The following OPHN1 variants were observed in gnomAD, a reference collection of about 807,000 sequenced individuals.
OPHN1 encodes oligophrenin-1.
OPHN1 carries 11 observed loss-of-function variants against 60.7 expected under a neutral mutation model. That is an observed-to-expected ratio of 0.18 (90% CI 0.11 to 0.30). OPHN1 has a LOEUF of 0.30. OPHN1 is among the 10% of genes least tolerant of loss of function. The pLI, the probability that OPHN1 is intolerant of heterozygous loss-of-function variation, is 1.00. For missense variants in OPHN1, 449 were observed against 611.0 expected (o/e 0.73, Z 2.80); for synonymous variants, 226 against 222.6 (o/e 1.02, Z -0.14).
chrX:68,074,146 G>A (rs2076945275), intron 19 of OPHN1, among the ~76,000 whole-genome samples: 1 of 111,615 alleles, frequency 9.0e-6, no homozygotes, highest in Non-Finnish European at 1.9e-5. Flanking sequence ...TAGCCAGTGA[G>A]ACTAACAAAA....
intron 2 of OPHN1, among the ~76,000 whole-genome samples, chrX:68,313,341 A>G (rs916368199): frequency 6.5e-5 from 7 of 107,208 alleles, no homozygotes; most frequent in Admixed American, 2.0e-4. Context: ...AAGAAAGGAA[A>G]TCAGCATACC....
At chrX:68,359,770 G>A (rs1401755059) in intron 2 of OPHN1, among the ~76,000 whole-genome samples, 1 of 106,995 alleles carries the variant, frequency 9.3e-6, no homozygotes, top group Non-Finnish European at 1.9e-5. Flanking sequence ...GCAGGAGAAT[G>A]GCGTGAACCC....
intron 10 of OPHN1, among the ~76,000 whole-genome samples, chrX:68,205,652 A>G (rs765143729): frequency 2.5e-4 from 28 of 111,129 alleles, no homozygotes; most frequent in African/African-American, 9.2e-4. Context: ...CTAATTCAAC[A>G]TGAGCAAGCC....
intron 6 of OPHN1, among the ~76,000 whole-genome samples, chrX:68,215,560 G>A (rs761788014): frequency 3.2e-4 from 36 of 111,061 alleles, no homozygotes; most frequent in Non-Finnish European, 5.1e-4. Context: ...CCCCATGTAG[G>A]TATATGATAT....
chrX:68,097,963 T>C (rs542269403), intron 18 of OPHN1, among the ~76,000 whole-genome samples: 3 of 111,307 alleles, frequency 2.7e-5, no homozygotes, highest in South Asian at 7.8e-4. Flanking sequence ...TTGTTATTAT[T>C]ACCTCTCCAG....
At chrX:68,337,022 C>T (rs890215549) in intron 2 of OPHN1, among the ~76,000 whole-genome samples, 1 of 110,096 alleles carries the variant, frequency 9.1e-6, no homozygotes, top group Admixed American at 9.8e-5. Context: ...GATCACACCA[C>T]TGCACTCCAG....
At chrX:68,276,273 T>A (rs908309389) in intron 4 of OPHN1, among the ~76,000 whole-genome samples, 1 of 111,400 alleles carries the variant, frequency 9.0e-6, no homozygotes, top group Non-Finnish European at 1.9e-5. Context: ...TGAAACCCCA[T>A]TGAGTCCTAA....
intron 6 of OPHN1, among the ~76,000 whole-genome samples, chrX:68,221,684 T>G (rs1194189002): frequency 2.1e-5 from 2 of 95,156 alleles, no homozygotes; most frequent in East Asian, 3.6e-4. Context: ...GGGGAACGAT[T>G]CCCTATTTAA....
At chrX:68,113,353 A>C in intron 16 of OPHN1, 114 bp from the exon 17 acceptor site, 1 of 581,055 alleles carries the variant, frequency 1.7e-6, no homozygotes, top group East Asian at 3.6e-5. Context: ...TAGTGGGATT[A>C]TATACATTTT....
intron 2 of OPHN1, among the ~76,000 whole-genome samples, chrX:68,313,123 T>TAAGA (rs892865741): frequency 9.1e-6 from 1 of 109,732 alleles, no homozygotes; most frequent in African/African-American, 3.3e-5. Context: ...AATAAATAAA[T>TAAGA]AAGAAAGAAA....
At chrX:68,183,248 G>A (rs996840626) in intron 15 of OPHN1, among the ~76,000 whole-genome samples, 2 of 111,965 alleles carry the variant, frequency 1.8e-5, no homozygotes, top group African/African-American at 6.5e-5. Context: ...AACTGGTAGA[G>A]AAGAGGAGGT....
intron 2 of OPHN1, among the ~76,000 whole-genome samples, chrX:68,338,970 C>T (rs764403608): frequency 4.4e-4 from 47 of 106,586 alleles, no homozygotes; most frequent in African/African-American, 1.4e-3. Context: ...CCCAGCTATT[C>T]GGGGAGCCAA....
intron 3 of OPHN1, among the ~76,000 whole-genome samples, chrX:68,293,426 T>G (rs1330007676): frequency 8.9e-6 from 1 of 112,135 alleles, no homozygotes; most frequent in East Asian, 2.8e-4. Flanking sequence ...TGATGGAACT[T>G]TCCATCTAGA....
intron 15 of OPHN1, among the ~76,000 whole-genome samples, chrX:68,172,358 A>G (rs2077395465): frequency 8.9e-6 from 1 of 112,192 alleles, no homozygotes; most frequent in Non-Finnish European, 1.9e-5. Context: ...AACACAAGAT[A>G]CCACATAGGT....
intron 2 of OPHN1, among the ~76,000 whole-genome samples, chrX:68,406,831 G>A (rs776569995): frequency 2.7e-5 from 3 of 112,281 alleles, no homozygotes; most frequent in Admixed American, 9.4e-5. Flanking sequence ...TCTGACTGAA[G>A]GATAAACTGA....
intron 16 of OPHN1, among the ~76,000 whole-genome samples, chrX:68,114,232 G>C (rs1244439729): frequency 9.0e-6 from 1 of 111,269 alleles, no homozygotes; most frequent in Admixed American, 9.5e-5. Context: ...ACTGCTCTAA[G>C]TGATTTACAT....
intron 2 of OPHN1, among the ~76,000 whole-genome samples, chrX:68,384,004 C>T (rs1239041536): frequency 1.8e-5 from 2 of 110,957 alleles, no homozygotes; most frequent in Admixed American, 9.7e-5. Context: ...TGGGGAGAAA[C>T]GTATATGGGG....
At chrX:68,252,741 G>A (rs1284322468) in intron 5 of OPHN1, among the ~76,000 whole-genome samples, 1 of 111,698 alleles carries the variant, frequency 9.0e-6, no homozygotes, top group African/African-American at 3.3e-5. Flanking sequence ...ATTGAATTCT[G>A]GTTGGGGTGC....
chrX:68,135,153 G>A (rs2077214052), intron 15 of OPHN1, among the ~76,000 whole-genome samples: 2 of 111,650 alleles, frequency 1.8e-5, no homozygotes, highest in Non-Finnish European at 3.8e-5. Context: ...AGATGGCTTA[G>A]AGAAATTTCT....
Sources: allele counts gnomAD v4.1 joint callset (sites outside exome capture counted in the v4.1 genomes callset), GRCh38; gene constraint gnomAD v4.1.1; transcripts MANE v1.5; gene names NCBI Gene and HGNC (gene_info 2026-07-23, HGNC 2026-07-21).